ADD3: variants seen among roughly 807,000 people sequenced by gnomAD.
The protein encoded by ADD3 is gamma-adducin.
In ADD3, 25 loss-of-function variants were observed where a neutral mutation model predicts 80.2. The observed-to-expected ratio is 0.31, with a 90% confidence interval of 0.23 to 0.44. The LOEUF is 0.44. ADD3 is among the 20% of genes least tolerant of loss of function. The pLI is 1.00. For missense variants in ADD3, 829 were observed against 847.5 expected (o/e 0.98, Z 0.27); for synonymous variants, 284 against 289.6 (o/e 0.98, Z 0.20).
At chr10:110,001,583 A>G (rs1851486732), upstream of ADD3, among the ~76,000 whole-genome samples, 2 of 152,154 alleles carry the variant, frequency 1.3e-5, no homozygotes, top group Admixed American at 6.5e-5. Context: ...TACACAGTGC[A>G]TTGTTTCTAT....
At chr10:110,031,416 A>C (rs1001008793) in intron 1 of ADD3, among the ~76,000 whole-genome samples, 2 of 152,248 alleles carry the variant, frequency 1.3e-5, no homozygotes, top group Non-Finnish European at 1.5e-5. Flanking sequence ...ATTACGAAGA[A>C]ACAGATTCAG....
At chr10:110,028,984 G>A (rs530555488) in intron 1 of ADD3, among the ~76,000 whole-genome samples, 5 of 151,666 alleles carry the variant, frequency 3.3e-5, no homozygotes, top group African/African-American at 9.7e-5. Flanking sequence ...GGTTCAAGCA[G>A]TTCTCATGCC....
At chr10:110,099,006 A>G (rs1177171410) in intron 1 of ADD3, among the ~76,000 whole-genome samples, 2 of 150,930 alleles carry the variant, frequency 1.3e-5, no homozygotes, top group African/African-American at 4.9e-5. Context: ...TGCAGCCTCA[A>G]CCTCCTGGGC....
chr10:110,003,110 T>G (rs1195569624), upstream of ADD3, among the ~76,000 whole-genome samples: 2 of 152,216 alleles, frequency 1.3e-5, no homozygotes, highest in Non-Finnish European at 2.9e-5. Context: ...ATTATGTAGT[T>G]TGAAAAGGCT....
chr10:110,076,306 AT>A (rs1473529403), intron 1 of ADD3, among the ~76,000 whole-genome samples: 3 of 152,198 alleles, frequency 2.0e-5, no homozygotes, highest in Non-Finnish European at 4.4e-5. Context: ...TATTAAAGAT[AT>A]TTGTACAGTA....
intron 1 of ADD3, among the ~76,000 whole-genome samples, chr10:110,077,832 G>T (rs1298393721): frequency 3.3e-5 from 5 of 151,550 alleles, no homozygotes; most frequent in African/African-American, 1.2e-4. Context: ...GTTTCTCTTT[G>T]TACCTGAGTT....
chr10:110,064,868 G>A (rs1019835827), intron 1 of ADD3, among the ~76,000 whole-genome samples: 2 of 151,654 alleles, frequency 1.3e-5, no homozygotes, highest in South Asian at 4.2e-4. Context: ...TCCCAGCCTG[G>A]GCAACATGGC....
chr10:110,074,471 C>T (rs886551951), intron 1 of ADD3, among the ~76,000 whole-genome samples: 3 of 152,042 alleles, frequency 2.0e-5, no homozygotes, highest in African/African-American at 7.2e-5. Flanking sequence ...TGTACAGGCA[C>T]TAGGAGTGCG....
At chr10:110,058,822 C>G (rs1269572060) in intron 1 of ADD3, among the ~76,000 whole-genome samples, 1 of 152,156 alleles carries the variant, frequency 6.6e-6, no homozygotes, top group Non-Finnish European at 1.5e-5. Context: ...GCTCATGATT[C>G]TTTTCAGTAT....
At chr10:110,120,482 C>T (rs1229305830) in intron 8 of ADD3, among the ~76,000 whole-genome samples, 1 of 151,934 alleles carries the variant, frequency 6.6e-6, no homozygotes, top group Non-Finnish European at 1.5e-5. Context: ...CATTGTTGGA[C>T]ATTTGGTTGG....
chr10:110,100,883 TC>T, intron 2 of ADD3, 35 bp downstream of exon 2: 2 of 1,526,004 alleles, frequency 1.3e-6, no homozygotes, highest in Non-Finnish European at 1.8e-6. Flanking sequence ...TTTTTCTCCC[TC>T]TTTGGAAATG....
At chr10:110,122,797 T>G (rs909508638) in intron 9 of ADD3, among the ~76,000 whole-genome samples, 1 of 151,914 alleles carries the variant, frequency 6.6e-6, no homozygotes. Context: ...AATTTATTTT[T>G]TTTTTTTTAC....
chr10:110,079,455 AGAGAGAGTGTGTGTGTGTGT>A (rs1018243681), intron 1 of ADD3, among the ~76,000 whole-genome samples: 5 of 125,570 alleles, frequency 4.0e-5, no homozygotes, highest in African/African-American at 1.8e-4. Flanking sequence ...AGAGAGAGAG[AGAGAGAGTGTGTGTGTGTGT>A]GTGTGTGTGT....
chr10:110,123,048 A>T (rs1851713923), intron 9 of ADD3, among the ~76,000 whole-genome samples: 1 of 152,184 alleles, frequency 6.6e-6, no homozygotes, highest in African/African-American at 2.4e-5. Flanking sequence ...GTCACATTTG[A>T]CAGAATTTCT....
At chr10:110,023,549 G>A (rs1258202184) in intron 1 of ADD3, among the ~76,000 whole-genome samples, 1 of 152,302 alleles carries the variant, frequency 6.6e-6, no homozygotes, top group Middle Eastern at 3.4e-3. Context: ...GTCACTGAGG[G>A]TCGAAATCTA....
intron 1 of ADD3, among the ~76,000 whole-genome samples, chr10:110,090,783 C>G (rs1489964655): frequency 2.0e-5 from 3 of 152,120 alleles, no homozygotes; most frequent in Non-Finnish European, 2.9e-5. Flanking sequence ...CCATTAAGTA[C>G]AGAACATTTA....
chr10:110,078,340 A>G (rs1845619255), intron 1 of ADD3, among the ~76,000 whole-genome samples: 2 of 152,254 alleles, frequency 1.3e-5, no homozygotes, highest in Admixed American at 6.5e-5. Flanking sequence ...GTAAAGACAC[A>G]TGACTATCCC....
intron 1 of ADD3, among the ~76,000 whole-genome samples, chr10:110,088,074 G>A (rs1847026013): frequency 6.6e-6 from 1 of 152,078 alleles, no homozygotes; most frequent in Non-Finnish European, 1.5e-5. Context: ...GTTACTTGGT[G>A]TCCAAATCTC....
rs41291894 is a variant in ADD3, at chr10:110,122,144, A to G, written c.995A>G (p.Asn332Ser). Residue 332 changes from asparagine (N) to serine (S), a missense_variant, in exon 9 of 15, where the codon AAT (asparagine) becomes AGT (serine). Asn to Ser is a conservative substitution (Grantham distance 46). Transcript: ENST00000356080. ...CTAGCAGGTGCAGGTGGAGTAGACA[A>G]TCTCCATGTACTGGACTTTCAGAAG... ...QALAGAGGVDNLHVLDFQKYK... is the reference protein window; with the variant it reads ...QALAGAGGVDSLHVLDFQKYK... 1.1e-3 allele frequency: 1,786 copies of G among 1,613,956 alleles called. 3 individuals are homozygous for G. The highest frequency in any genetic ancestry group is 1.4e-3 in the Non-Finnish European group (1,621 of 1,179,954).
Sources: allele counts gnomAD v4.1 joint callset (sites outside exome capture counted in the v4.1 genomes callset), GRCh38; gene constraint gnomAD v4.1.1; transcripts MANE v1.5; gene names NCBI Gene and HGNC (gene_info 2026-07-23, HGNC 2026-07-21).